The following COG5 variants were observed in gnomAD, a reference collection of about 807,000 sequenced individuals.
COG5 encodes the protein component of oligomeric golgi complex 5, also known as conserved oligomeric Golgi complex subunit 5.
A neutral mutation model predicts 110.4 loss-of-function variants in COG5; 86 were observed. That is an observed-to-expected ratio of 0.78 (90% CI 0.65 to 0.93). The LOEUF is 0.93. COG5 is among the 40% of genes least tolerant of loss of function. COG5 has a pLI of 0.00. For synonymous variants in COG5, 360 were observed against 334.6 expected, an observed-to-expected ratio of 1.08 and a Z score of -0.83; for missense variants, 1,077 against 987.0, an observed-to-expected ratio of 1.09 and a Z score of -1.22.
chr7:107,221,740 G>A (rs563582332), intron 19 of COG5, among the ~76,000 whole-genome samples: 10 of 151,162 alleles, frequency 6.6e-5, no homozygotes, highest in Admixed American at 5.3e-4. Context: ...ACTCCAGCCT[G>A]GGTGACAGAG....
intron 11 of COG5, among the ~76,000 whole-genome samples, chr7:107,302,660 G>A (rs1807373220): frequency 6.6e-6 from 1 of 152,176 alleles, no homozygotes; most frequent in Admixed American, 6.5e-5. Context: ...TTCACGGCAT[G>A]CCAATAATGC....
In COG5 at chr7:107,333,496, G is replaced by C. The variant is rs954502226; in HGVS notation, c.1027-8975C>G. On this transcript the variant is annotated intron_variant, in intron 10 of 21. Transcript: ENST00000297135. Reference sequence around the variant, plus strand: ...AGCTTTTACATGTACACTGTTCAGAGAGAAAAAAATATTTATAATGCAATC... The same window carrying C: ...AGCTTTTACATGTACACTGTTCAGACAGAAAAAAATATTTATAATGCAATC... Among the ~76,000 whole-genome samples the C allele has an allele frequency of 2.0e-5, 3 of 152,008 alleles. No individual in the cohort carries two copies. The East Asian group carries it at 5.8e-4, about 29-fold the overall frequency.
intron 11 of COG5, among the ~76,000 whole-genome samples, chr7:107,303,941 G>GT (rs1011573317): frequency 3.3e-5 from 5 of 151,644 alleles, no homozygotes; most frequent in Non-Finnish European, 5.9e-5. Flanking sequence ...GTGCAAACTT[G>GT]TTTTTTTTAA....
intron 10 of COG5, among the ~76,000 whole-genome samples, chr7:107,338,278 G>C (rs974593143): frequency 6.6e-6 from 1 of 152,022 alleles, no homozygotes; most frequent in African/African-American, 2.4e-5. Context: ...AAAACAGTAT[G>C]GTACCGGTAT....
intron 6 of COG5, among the ~76,000 whole-genome samples, chr7:107,440,491 T>G (rs1186416324): frequency 6.6e-6 from 1 of 152,130 alleles, no homozygotes; most frequent in East Asian, 1.9e-4. Flanking sequence ...CCTAAAATCC[T>G]TGGAATCTCT....
chr7:107,299,009 T>C (rs1372330643), intron 11 of COG5, among the ~76,000 whole-genome samples: 1 of 152,054 alleles, frequency 6.6e-6, no homozygotes, highest in African/African-American at 2.4e-5. Context: ...ACGCAACATA[T>C]CAAAATTTGT....
intron 8 of COG5, among the ~76,000 whole-genome samples, chr7:107,369,350 T>G (rs768926299): frequency 1.3e-5 from 2 of 152,094 alleles, no homozygotes; most frequent in Admixed American, 1.3e-4. Context: ...CTTGTACTTT[T>G]TCACTATTTG....
In COG5 at chr7:107,423,952, A is replaced by T. The variant is rs936860326; in HGVS notation, c.539-11320T>A. Among the ~76,000 whole-genome samples, 10 of 152,198 alleles carry T rather than the reference A, an allele frequency of 6.6e-5. No individual in the cohort carries two copies. The East Asian group carries it at 1.9e-3, about 29-fold the overall frequency. ...ATGAACAGATGACACAGATTGCAAA[A>T]TATTTCTAGAAAATGCAAAGTAGAA... is the stretch of plus-strand genomic sequence containing the variant. On this transcript the variant is annotated intron_variant, in intron 6 of 21. Coordinates refer to ENST00000297135, the MANE Select transcript of COG5 (RefSeq NM_006348.5).
At chr7:107,227,992 T>TA (rs1017717637) in intron 19 of COG5, among the ~76,000 whole-genome samples, 1 of 152,026 alleles carries the variant, frequency 6.6e-6, no homozygotes, top group Non-Finnish European at 1.5e-5. Context: ...ACTGGGGCTA[T>TA]AAAAAATAAT....
intron 6 of COG5, among the ~76,000 whole-genome samples, chr7:107,498,156 G>C (rs915073956): frequency 6.6e-6 from 1 of 152,130 alleles, no homozygotes; most frequent in Non-Finnish European, 1.5e-5. Flanking sequence ...TGATTTAGCC[G>C]TTAGACCTGA....
At chr7:107,304,988 A>C (rs1423365889) in intron 11 of COG5, among the ~76,000 whole-genome samples, 3 of 152,220 alleles carry the variant, frequency 2.0e-5, no homozygotes, top group Non-Finnish European at 4.4e-5. Context: ...GAAGGACAAT[A>C]AACAAGTCAT....
intron 6 of COG5, among the ~76,000 whole-genome samples, chr7:107,508,111 G>A (rs992612816): frequency 6.6e-6 from 1 of 152,238 alleles, no homozygotes; most frequent in Non-Finnish European, 1.5e-5. Context: ...CAAGGGGTCA[G>A]GGAGTTCCCT....
chr7:107,328,165 T>A (rs1809930447), intron 10 of COG5, among the ~76,000 whole-genome samples: 1 of 152,232 alleles, frequency 6.6e-6, no homozygotes, highest in South Asian at 2.1e-4. Context: ...TCACAGAATG[T>A]ACTTACACAA....
At chr7:107,286,325 T>G (rs1007345847) in intron 12 of COG5, among the ~76,000 whole-genome samples, 1 of 152,198 alleles carries the variant, frequency 6.6e-6, no homozygotes, top group African/African-American at 2.4e-5. Flanking sequence ...TTCTTTGACC[T>G]TATTGTAATT....
At chr7:107,475,799 G>A (rs1281298479) in intron 6 of COG5, 1 of 166,052 alleles carries the variant, frequency 6.0e-6, no homozygotes, top group East Asian at 1.9e-4. Flanking sequence ...CCAAAATTAT[G>A]GGCTCAAAAC....
At chr7:107,296,581 CTTTTTTTTTT>C (rs35340234) in intron 12 of COG5, among the ~76,000 whole-genome samples, 1 of 123,514 alleles carries the variant, frequency 8.1e-6, no homozygotes, top group Non-Finnish European at 1.7e-5. Flanking sequence ...CAAAACTACT[CTTTTTTTTTT>C]TTTTTTTTTT....
chr7:107,534,993 C>G (rs1801476119), intron 5 of COG5, among the ~76,000 whole-genome samples: 1 of 151,594 alleles, frequency 6.6e-6, no homozygotes, highest in African/African-American at 2.4e-5. Context: ...TGCAACCAAA[C>G]TAAAACTCAG....
intron 11 of COG5, 27 bp from the exon 12 acceptor site, chr7:107,298,373 T>C (rs1806952032): frequency 4.5e-6 from 7 of 1,565,312 alleles, no homozygotes; most frequent in Non-Finnish European, 6.1e-6. Context: ...GAACATGAAT[T>C]AGAAAAATAA....
chr7:107,556,594 C>G (rs185497630), intron 2 of COG5, among the ~76,000 whole-genome samples: 2 of 152,290 alleles, frequency 1.3e-5, no homozygotes, highest in African/African-American at 2.4e-5. Flanking sequence ...AATACATTAT[C>G]CCCGCTCTCA....
Sources: allele counts gnomAD v4.1 joint callset (sites outside exome capture counted in the v4.1 genomes callset), GRCh38; gene constraint gnomAD v4.1.1; transcripts MANE v1.5; gene names NCBI Gene and HGNC (gene_info 2026-07-23, HGNC 2026-07-21).